ADGRB3: variants seen among roughly 807,000 people sequenced by gnomAD.
ADGRB3 encodes adhesion G protein-coupled receptor B3.
In ADGRB3, 37 loss-of-function variants were observed where a neutral mutation model predicts 193.4. The ratio of observed to expected loss-of-function variants is 0.19; its 90% CI spans 0.15 to 0.25. The LOEUF (loss-of-function observed/expected upper bound fraction) is 0.25, where lower values mean the gene tolerates loss of function less well. Among genes scored for constraint, ADGRB3 ranks in the 10% least tolerant of loss-of-function variants. The pLI, the probability that ADGRB3 is intolerant of heterozygous loss-of-function variation, is 1.00. For missense variants in ADGRB3, 1,637 were observed against 1,852.9 expected (o/e 0.88, Z 2.14); for synonymous variants, 690 against 644.2 (o/e 1.07, Z -1.08).
chr6:69,357,717 T>A (rs1199156431), intron 28 of ADGRB3, among the ~76,000 whole-genome samples: 1 of 151,936 alleles, frequency 6.6e-6, no homozygotes, highest in East Asian at 1.9e-4. Flanking sequence ...TAGAGTATGG[T>A]CATAGCAAAA....
chr6:69,011,201 G>C (rs996250764), intron 11 of ADGRB3, among the ~76,000 whole-genome samples: 1 of 151,050 alleles, frequency 6.6e-6, no homozygotes, highest in African/African-American at 2.4e-5. Context: ...AGACAAGTTA[G>C]AGCAAGGCCA....
chr6:68,759,075 G>C (rs118162967), intron 3 of ADGRB3, among the ~76,000 whole-genome samples: 1 of 151,950 alleles, frequency 6.6e-6, no homozygotes, highest in African/African-American at 2.4e-5. Flanking sequence ...ATCGGAAGAG[G>C]CTACCCATGA....
chr6:68,906,625 ACT>A (rs1766556509), intron 3 of ADGRB3, among the ~76,000 whole-genome samples: 2 of 151,878 alleles, frequency 1.3e-5, no homozygotes, highest in East Asian at 1.9e-4. Flanking sequence ...TCATTTTATG[ACT>A]CTCTTAAAAG....
chr6:68,965,576 C>G (rs1333498075), intron 8 of ADGRB3, among the ~76,000 whole-genome samples: 2 of 152,094 alleles, frequency 1.3e-5, no homozygotes, highest in Non-Finnish European at 1.5e-5. Context: ...ATCATTTCTG[C>G]TCTTTTTAAG....
At chr6:69,153,334 G>A (rs920512053) in intron 17 of ADGRB3, among the ~76,000 whole-genome samples, 5 of 151,988 alleles carry the variant, frequency 3.3e-5, no homozygotes, top group Non-Finnish European at 7.4e-5. Flanking sequence ...TTGTATTGTT[G>A]TCTCTTTTTC....
intron 11 of ADGRB3, among the ~76,000 whole-genome samples, chr6:69,003,177 A>G (rs1769634467): frequency 6.6e-6 from 1 of 152,208 alleles, no homozygotes; most frequent in Admixed American, 6.5e-5. Flanking sequence ...GGCTATTATT[A>G]TCATCCAACA....
rs143978141 is a variant in ADGRB3 at position 69,016,759 on chromosome 6, A to G, written c.1999-1632A>G. On this transcript the variant is annotated intron_variant, in intron 12 of 31. Coordinates refer to ENST00000370598, the MANE Select transcript of ADGRB3 (RefSeq NM_001704.3). ...AAATAAATTGACATGCATTGCAAAGAGAAAAAGTGCTTACAATTACTAGTT... is the reference window on the plus strand; with the variant it reads ...AAATAAATTGACATGCATTGCAAAGGGAAAAAGTGCTTACAATTACTAGTT... Among the ~76,000 whole-genome samples, 48 of 152,062 alleles carry G rather than the reference A, an allele frequency of 3.2e-4. No homozygotes were observed. In the East Asian group the frequency reaches 5.8e-3, roughly 18 times the overall value.
chr6:69,053,458 G>A (rs986341106), intron 15 of ADGRB3, among the ~76,000 whole-genome samples: 2 of 152,178 alleles, frequency 1.3e-5, no homozygotes, highest in Admixed American at 1.3e-4. Flanking sequence ...TAGCACATGA[G>A]TATATCTGTA....
At chr6:69,075,773 A>G (rs1772210325) in intron 16 of ADGRB3, among the ~76,000 whole-genome samples, 1 of 152,184 alleles carries the variant, frequency 6.6e-6, no homozygotes, top group South Asian at 2.1e-4. Context: ...AAGTTAGAGT[A>G]TTTGGAATAA....
intron 3 of ADGRB3, among the ~76,000 whole-genome samples, chr6:68,815,719 T>C (rs1409153076): frequency 1.3e-5 from 2 of 151,718 alleles, no homozygotes; most frequent in African/African-American, 2.4e-5. Context: ...CAAAAAATCA[T>C]TGGCCTTCAA....
chr6:68,714,577 T>C (rs910181277), intron 3 of ADGRB3, among the ~76,000 whole-genome samples: 2 of 151,838 alleles, frequency 1.3e-5, no homozygotes, highest in Non-Finnish European at 2.9e-5. Context: ...AAAGTTGTTT[T>C]CAATCTAAAA....
intron 3 of ADGRB3, among the ~76,000 whole-genome samples, chr6:68,824,373 C>T (rs1767803318): frequency 6.6e-6 from 1 of 150,934 alleles, no homozygotes; most frequent in Non-Finnish European, 1.5e-5. Context: ...TAAAATATTA[C>T]AGTTATCTTT....
chr6:69,171,118 T>C (rs1775260426), intron 17 of ADGRB3, among the ~76,000 whole-genome samples: 1 of 146,200 alleles, frequency 6.8e-6, no homozygotes, highest in East Asian at 2.2e-4. Context: ...GTAAAATTTA[T>C]TAAGAAGATA....
At chr6:69,050,936 G>A (rs1388258318) in intron 15 of ADGRB3, among the ~76,000 whole-genome samples, 1 of 152,078 alleles carries the variant, frequency 6.6e-6, no homozygotes, top group Non-Finnish European at 1.5e-5. Flanking sequence ...CAGCAATGTT[G>A]CATTATGATA....
chr6:69,269,926 A>G (rs1339643043), intron 20 of ADGRB3, among the ~76,000 whole-genome samples: 1 of 152,206 alleles, frequency 6.6e-6, no homozygotes, highest in Non-Finnish European at 1.5e-5. Context: ...GTATTAACAC[A>G]TTAGTAAAAA....
intron 3 of ADGRB3, among the ~76,000 whole-genome samples, chr6:68,801,596 A>G (rs1216827674): frequency 6.6e-6 from 1 of 152,064 alleles, no homozygotes; most frequent in African/African-American, 2.4e-5. Flanking sequence ...GGCTGAGGCA[A>G]GAGAATCGTT....
intron 31 of ADGRB3, among the ~76,000 whole-genome samples, chr6:69,383,708 A>G (rs2127240044): frequency 6.6e-6 from 1 of 152,124 alleles, no homozygotes; most frequent in Non-Finnish European, 1.5e-5. Context: ...ATAGTAATTA[A>G]TGTATATCTT....
intron 20 of ADGRB3, among the ~76,000 whole-genome samples, chr6:69,245,428 A>G (rs1046535678): frequency 1.8e-4 from 27 of 152,056 alleles, no homozygotes; most frequent in East Asian, 5.8e-4. Context: ...TTGTAATAAT[A>G]TATTGGAACT....
intron 3 of ADGRB3, among the ~76,000 whole-genome samples, chr6:68,878,879 CAA>C (rs1433168446): frequency 2.0e-5 from 3 of 152,110 alleles, no homozygotes. Flanking sequence ...TGGCAGCAGG[CAA>C]AGAGAGAGCT....
Sources: gnomAD v4.1 joint callset for allele counts (sites outside exome capture counted in the v4.1 genomes callset) on GRCh38, gnomAD v4.1.1 for gene constraint, MANE v1.5 for transcripts, NCBI Gene and HGNC (gene_info 2026-07-23, HGNC 2026-07-21) for gene names.